PLXDC1: variants seen among roughly 807,000 people sequenced by gnomAD.
PLXDC1 encodes plexin domain containing 1, also known as plexin domain-containing protein 1.
PLXDC1 carries 39 observed loss-of-function variants against 61.3 expected under a neutral mutation model. That is an observed-to-expected ratio of 0.64 (90% confidence interval 0.49 to 0.83). The LOEUF is 0.83. PLXDC1 is among the 40% of genes least tolerant of loss of function. PLXDC1 has a pLI of 0.00. For synonymous variants in PLXDC1, 212 were observed against 254.5 expected (o/e 0.83, Z 1.59); for missense variants, 596 against 666.5 (o/e 0.89, Z 1.17).
rs886607659 is a variant in PLXDC1 at position 39,151,557 on chromosome 17, A to G, written c.-120T>C. On this transcript the variant is annotated 5_prime_UTR_variant, in exon 1 of 14. Transcript: ENST00000315392. This position sits in a 1 kb window ranked among gnomAD's most constrained non-coding sequence, Gnocchi z 5.2. ...GCTGGCGGAGGGGCGGGCGGCGAGG[A>G]GACGGCGGAGCGCGGGGCCGGGCGA... 9.7e-5 allele frequency: 117 copies of G among 1,202,292 alleles called. No individual in the cohort carries two copies. In the Admixed American group the frequency reaches 1.5e-3, roughly 15 times the overall value. 74.5% of individuals were successfully genotyped at this position (1,202,292 alleles called of 1,614,324 possible).
At chr17:39,112,886 C>T (rs1243816517) in intron 2 of PLXDC1, 1 of 152,202 alleles carries the variant, frequency 6.6e-6, no homozygotes, top group Admixed American at 6.5e-5. Context: ...CAGCCAGCAC[C>T]AGATAGCCTT....
intron 2 of PLXDC1, among the ~76,000 whole-genome samples, chr17:39,116,110 T>C (rs1910957499): frequency 6.6e-6 from 1 of 152,098 alleles, no homozygotes; most frequent in African/African-American, 2.4e-5. Context: ...ACAGTGAGAC[T>C]CCGTCTCAAA....
intron 7 of PLXDC1, among the ~76,000 whole-genome samples, chr17:39,093,694 C>T (rs556391863): frequency 4.4e-4 from 65 of 148,120 alleles, no homozygotes; most frequent in Middle Eastern, 3.4e-3. Context: ...CCGGCCTGGG[C>T]GACAGAGAAA....
At chr17:39,139,897 G>T (rs913407875) in intron 1 of PLXDC1, 65 bp from the exon 2 acceptor site, 2 of 1,482,880 alleles carry the variant, frequency 1.3e-6, no homozygotes, top group Non-Finnish European at 1.8e-6. Context: ...GGGGAATCCA[G>T]CCCAGTTATT....
chr17:39,108,015 G>T, intron 5 of PLXDC1, 108 bp downstream of exon 5: 6 of 1,380,504 alleles, frequency 4.3e-6, no homozygotes, highest in East Asian at 2.4e-5. Flanking sequence ...TGGCTGCTTT[G>T]CCGTGGGACT....
chr17:39,132,310 C>A (rs1449671284), intron 2 of PLXDC1, among the ~76,000 whole-genome samples: 1 of 151,868 alleles, frequency 6.6e-6, no homozygotes, highest in Non-Finnish European at 1.5e-5. Context: ...CAGCACATCC[C>A]AGGATCTCTG....
At chr17:39,101,401 G>A (rs944816706) in intron 7 of PLXDC1, among the ~76,000 whole-genome samples, 7 of 152,178 alleles carry the variant, frequency 4.6e-5, no homozygotes, top group Non-Finnish European at 1.5e-5. Flanking sequence ...GGAGCCATGT[G>A]GTATGGGTGG....
chr17:39,149,956 A>G (rs1237288229), intron 1 of PLXDC1, among the ~76,000 whole-genome samples: 1 of 152,082 alleles, frequency 6.6e-6, no homozygotes, highest in African/African-American at 2.4e-5. Context: ...ACCCATAAAG[A>G]CCCTAACAAA....
rs776699642 is a variant in PLXDC1 at position 39,079,205 on chromosome 17, CAAAG to C, written c.990-45_990-42del. 7.1e-6 allele frequency: 11 copies of C among 1,547,482 alleles called. No individual in the cohort carries two copies. In the African/African-American group the frequency reaches 1.1e-4, roughly 15 times the overall value. ...AAGGACAGAGTTATGATGGGATTGA[CAAAG>C]AAGCCTTCCCCTTTCACTGTTCAGT... On this transcript the variant is annotated intron_variant, in intron 9 of 13. Transcript: ENST00000315392.
intron 9 of PLXDC1, among the ~76,000 whole-genome samples, chr17:39,082,125 G>A (rs1909585496): frequency 6.6e-6 from 1 of 152,162 alleles, no homozygotes; most frequent in Non-Finnish European, 1.5e-5. Flanking sequence ...CATCCCCTCT[G>A]GGCCCAGAGC....
intron 11 of PLXDC1, among the ~76,000 whole-genome samples, chr17:39,076,105 GAAAGAA>G (rs1909325402): frequency 8.3e-6 from 1 of 119,770 alleles, no homozygotes; most frequent in African/African-American, 3.7e-5. Context: ...AAAAAAAAAA[GAAAGAA>G]AAAAGAAAGG....
chr17:39,079,722 A>G (rs563051023), intron 9 of PLXDC1: 14 of 366,080 alleles, frequency 3.8e-5, no homozygotes, highest in South Asian at 2.4e-4. Context: ...CCTGTAGGGA[A>G]AGGATGGGGG....
intron 4 of PLXDC1, 196 bp downstream of exon 4, chr17:39,108,708 G>C (rs1168823714): frequency 3.3e-6 from 2 of 603,436 alleles, no homozygotes; most frequent in Non-Finnish European, 6.0e-6. Context: ...GCAGGCACAT[G>C]AGCAGGTCAG....
chr17:39,118,470 C>T (rs1911062973), intron 2 of PLXDC1, among the ~76,000 whole-genome samples: 1 of 152,140 alleles, frequency 6.6e-6, no homozygotes. Flanking sequence ...TCCCAAAGTG[C>T]TGGGATTACA....
intron 7 of PLXDC1, among the ~76,000 whole-genome samples, chr17:39,097,478 C>T (rs1910248857): frequency 1.3e-5 from 2 of 152,026 alleles, no homozygotes; most frequent in South Asian, 4.1e-4. Flanking sequence ...CACATAAAAG[C>T]CATTTCTCCC....
chr17:39,130,184 G>A (rs1396339914), intron 2 of PLXDC1, among the ~76,000 whole-genome samples: 3 of 152,152 alleles, frequency 2.0e-5, no homozygotes, highest in African/African-American at 7.2e-5. Context: ...CAGGCACGGT[G>A]GCTCATGCCT....
rs147959612 is a variant in PLXDC1 at position 39,097,714 on chromosome 17, TAATAAATAAATAAATA to T, written c.811+8124_811+8139del. Among the ~76,000 whole-genome samples the T allele has an allele frequency of 1.5e-4, 22 of 145,882 alleles. 1 individual carries two copies. The highest frequency in any genetic ancestry group is 4.3e-4 in the South Asian group (2 of 4,660). ...CTATTTTATTATTTGTCTTTACAAATAATAAATAAATAAATAAATAAATAAATAAATAAATAAATAA... is the reference window on the plus strand; with the variant it reads ...CTATTTTATTATTTGTCTTTACAAATAATAAATAAATAAATAAATAAATAA... On this transcript the variant is annotated intron_variant, in intron 7 of 13. Coordinates refer to ENST00000315392, the MANE Select transcript of PLXDC1 (RefSeq NM_020405.5).
At chr17:39,143,652 A>G (rs962158152) in intron 1 of PLXDC1, among the ~76,000 whole-genome samples, 3 of 152,218 alleles carry the variant, frequency 2.0e-5, no homozygotes, top group African/African-American at 7.2e-5. Flanking sequence ...CTTTGTCATT[A>G]GACATTGTAT....
intron 2 of PLXDC1, among the ~76,000 whole-genome samples, chr17:39,131,137 A>C (rs1452302994): frequency 6.6e-6 from 1 of 152,100 alleles, no homozygotes; most frequent in East Asian, 1.9e-4. Flanking sequence ...CATTTGGGAA[A>C]TGTGAAGCTA....
Sources: allele counts gnomAD v4.1 joint callset (sites outside exome capture counted in the v4.1 genomes callset), GRCh38; gene constraint gnomAD v4.1.1; non-coding constraint Gnocchi (gnomAD v3.1); transcripts MANE v1.5; gene names NCBI Gene and HGNC (gene_info 2026-07-23, HGNC 2026-07-21).